Variants in CCDC77 observed in about 807,000 individuals in gnomAD.
CCDC77 encodes coiled-coil domain containing 77.
CCDC77 carries 56 observed loss-of-function variants against 66.8 expected under a neutral mutation model. That is an observed-to-expected ratio of 0.84 (90% confidence interval 0.68 to 1.05). The LOEUF is 1.05. Ranked by LOEUF, CCDC77 falls within the 50% of genes least tolerant of loss-of-function variation. The pLI is 0.00. For synonymous variants in CCDC77, 196 were observed against 195.2 expected (o/e 1.00, Z -0.03); for missense variants, 570 against 576.8 (o/e 0.99, Z 0.12).
chr12:408,178 G>A (rs1945035700), intron 2 of CCDC77, among the ~76,000 whole-genome samples: 1 of 152,164 alleles, frequency 6.6e-6, no homozygotes, highest in Non-Finnish European at 1.5e-5. Context: ...GATTGACAGC[G>A]AATGCTTGAT....
intron 6 of CCDC77, among the ~76,000 whole-genome samples, chr12:430,129 G>A (rs928209218): frequency 3.9e-5 from 6 of 152,064 alleles, no homozygotes; most frequent in Non-Finnish European, 8.8e-5. Context: ...GAGTAGCTGG[G>A]ATTACAGGCA....
chr12:416,999 C>T (rs566864077), intron 4 of CCDC77, among the ~76,000 whole-genome samples: 5 of 151,942 alleles, frequency 3.3e-5, no homozygotes, highest in East Asian at 1.9e-4. Context: ...ATTAGCTAGG[C>T]GTGGTGGCAC....
chr12:417,652 C>T (rs531393659), intron 4 of CCDC77, among the ~76,000 whole-genome samples: 10 of 152,198 alleles, frequency 6.6e-5, no homozygotes, highest in African/African-American at 1.7e-4. Context: ...TGGTGGCTCA[C>T]GCCTGTAATC....
intron 4 of CCDC77, among the ~76,000 whole-genome samples, chr12:415,608 G>T (rs998549411): frequency 6.6e-6 from 1 of 150,926 alleles, no homozygotes; most frequent in African/African-American, 2.4e-5. Flanking sequence ...ATCACATTAT[G>T]TATGTATCTA....
intron 5 of CCDC77, among the ~76,000 whole-genome samples, chr12:423,572 TG>T (rs1945476846): frequency 7.1e-6 from 1 of 141,266 alleles, no homozygotes; most frequent in Non-Finnish European, 1.5e-5. Context: ...CACAGCTCAC[TG>T]CAGCCTCAAC....
chr12:418,267 C>T (rs1293917415), intron 4 of CCDC77, among the ~76,000 whole-genome samples: 5 of 152,190 alleles, frequency 3.3e-5, no homozygotes, highest in East Asian at 1.9e-4. Context: ...GAGCTGAGAT[C>T]GTGCCACTGC....
At chr12:416,379 A>G (rs7954166) in intron 4 of CCDC77, among the ~76,000 whole-genome samples, 101 of 17,956 alleles carry the variant, frequency 5.6e-3, no homozygotes, top group African/African-American at 0.013. Context: ...GTGTGTGTGT[A>G]TATATATATA....
At chr12:428,427 C>T (rs558296495) in intron 5 of CCDC77, among the ~76,000 whole-genome samples, 4 of 142,310 alleles carry the variant, frequency 2.8e-5, no homozygotes, top group East Asian at 2.2e-4. Context: ...AGGAGAATGG[C>T]GTGAACCCGG....
At chr12:426,949 A>G (rs1234616116) in intron 5 of CCDC77, among the ~76,000 whole-genome samples, 1 of 152,050 alleles carries the variant, frequency 6.6e-6, no homozygotes, top group African/African-American at 2.4e-5. Flanking sequence ...CCTCTTCTTT[A>G]GGTAATTGTC....
intron 1 of CCDC77, among the ~76,000 whole-genome samples, chr12:404,271 G>A (rs1451820166): frequency 6.6e-6 from 1 of 152,218 alleles, no homozygotes; most frequent in Admixed American, 6.5e-5. Flanking sequence ...AGCCAAGATC[G>A]TGCCACTGCA....
In CCDC77 at chr12:408,001, A is replaced by C. The variant is rs139805452; in HGVS notation, c.-16-1367A>C. Reference sequence around the variant, plus strand: ...ATGGGGTTTCACCGTGTTAGCCAGGATGGTCTCAATCTCCTGACCTTGTGA... The same window carrying C: ...ATGGGGTTTCACCGTGTTAGCCAGGCTGGTCTCAATCTCCTGACCTTGTGA... On this transcript the variant is annotated intron_variant, in intron 2 of 12. Transcript: ENST00000239830. Among the ~76,000 whole-genome samples the C allele has an allele frequency of 1.1e-3, 166 of 152,034 alleles. 2 individuals are homozygous for C. Among genetic ancestry groups the C allele is most frequent in the African/African-American group, 3.9e-3 (161 of 41,472 alleles).
At chr12:413,499 A>G (rs542319401) in intron 4 of CCDC77, among the ~76,000 whole-genome samples, 2 of 152,178 alleles carry the variant, frequency 1.3e-5, no homozygotes, top group East Asian at 3.9e-4. Context: ...TCGGCCTCCT[A>G]AAGTGCTGGG....
At chr12:398,602 C>G (rs903744883), upstream of CCDC77, among the ~76,000 whole-genome samples, 3 of 151,858 alleles carry the variant, frequency 2.0e-5, no homozygotes, top group Non-Finnish European at 4.4e-5. Flanking sequence ...TTGCTACTTC[C>G]ACAGCATCTG....
At chr12:396,065 AAAAG>A (rs1461170401) in intron 1 of CCDC77, among the ~76,000 whole-genome samples, 1 of 152,186 alleles carries the variant, frequency 6.6e-6, no homozygotes, top group African/African-American at 2.4e-5. Flanking sequence ...AATAAAAAAT[AAAAG>A]AAAATAAATA....
chr12:428,490 A>C (rs61916591), intron 5 of CCDC77, among the ~76,000 whole-genome samples: 2 of 142,848 alleles, frequency 1.4e-5, no homozygotes, highest in Non-Finnish European at 1.5e-5. Flanking sequence ...CAGCCTGGAC[A>C]ACAGAGCGAG....
At chr12:415,348 T>TTAA (rs1945212517) in intron 4 of CCDC77, among the ~76,000 whole-genome samples, 4 of 99,602 alleles carry the variant, frequency 4.0e-5, no homozygotes, top group Admixed American at 1.0e-4. Flanking sequence ...GTTAATATAA[T>TTAA]CAACATAATA....
chr12:412,065 C>A, intron 4 of CCDC77, 87 bp downstream of exon 4: 1 of 968,210 alleles, frequency 1.0e-6, no homozygotes, highest in Admixed American at 2.5e-5. Flanking sequence ...ATATCAGAAG[C>A]AGATGTTTTA....
chr12:396,370 G>A (rs1944828574), intron 1 of CCDC77, among the ~76,000 whole-genome samples: 1 of 151,998 alleles, frequency 6.6e-6, no homozygotes. Flanking sequence ...CCAGCCTGCG[G>A]GACAGAGCAA....
intron 10 of CCDC77, among the ~76,000 whole-genome samples, chr12:439,317 C>T (rs1426944968): frequency 2.0e-5 from 3 of 151,872 alleles, no homozygotes; most frequent in Admixed American, 1.3e-4. Flanking sequence ...GTCAGGAGTT[C>T]GAGACCAGCC....
Sources: allele counts gnomAD v4.1 joint callset (sites outside exome capture counted in the v4.1 genomes callset), GRCh38; gene constraint gnomAD v4.1.1; transcripts MANE v1.5; gene names NCBI Gene and HGNC (gene_info 2026-07-23, HGNC 2026-07-21).